The following PCDH9 variants were observed in gnomAD, a reference collection of about 807,000 sequenced individuals.
The protein encoded by PCDH9 is protocadherin-9.
A neutral mutation model predicts 70.6 loss-of-function variants in PCDH9; 24 were observed. That is an observed-to-expected ratio of 0.34 (90% CI 0.25 to 0.48). The LOEUF (loss-of-function observed/expected upper bound fraction) is 0.48, where lower values mean the gene tolerates loss of function less well. PCDH9 is among the 20% of genes least tolerant of loss of function. The probability of loss-of-function intolerance (pLI) is 0.99; values close to 1 mark genes in which losing one functional copy is unlikely to be tolerated. For synonymous variants in PCDH9, 562 were observed against 558.5 expected, an observed-to-expected ratio of 1.01 and a Z score of -0.09; for missense variants, 1,281 against 1,503.6, an observed-to-expected ratio of 0.85 and a Z score of 2.45.
chr13:66,430,177 A>G (rs891163832), intron 4 of PCDH9, among the ~76,000 whole-genome samples: 1 of 152,086 alleles, frequency 6.6e-6, no homozygotes, highest in Non-Finnish European at 1.5e-5. Context: ...TCAATCACAC[A>G]GCAAAAGCTA....
chr13:66,401,545 T>G (rs1291205824), intron 4 of PCDH9, among the ~76,000 whole-genome samples: 1 of 152,134 alleles, frequency 6.6e-6, no homozygotes, highest in Non-Finnish European at 1.5e-5. Context: ...AGCATGAGAA[T>G]GGACTCATAT....
At chr13:66,738,756 A>C (rs1225434822) in intron 3 of PCDH9, among the ~76,000 whole-genome samples, 2 of 152,000 alleles carry the variant, frequency 1.3e-5, no homozygotes, top group East Asian at 3.9e-4. Context: ...TGGAAGACGA[A>C]ATGAATGAAA....
intron 2 of PCDH9, among the ~76,000 whole-genome samples, chr13:66,927,716 T>C (rs1456807386): frequency 6.6e-6 from 1 of 152,028 alleles, no homozygotes; most frequent in Non-Finnish European, 1.5e-5. Flanking sequence ...TCCATGAGTG[T>C]CTGTGTACTA....
chr13:67,193,281 T>C (rs9564380), intron 2 of PCDH9, among the ~76,000 whole-genome samples: 119,329 of 151,562 alleles, frequency 0.79, 48,212 homozygotes, highest in Middle Eastern at 0.91. Context: ...GAAGGTTTAG[T>C]TCTTGGTCAA....
chr13:66,790,212 A>T (rs1210804735), intron 3 of PCDH9, among the ~76,000 whole-genome samples: 8 of 152,128 alleles, frequency 5.3e-5, no homozygotes, highest in African/African-American at 1.7e-4. Flanking sequence ...AAGGTGGGAC[A>T]TTATTTTATA....
At chr13:66,733,536 G>A (rs1468009683) in intron 3 of PCDH9, among the ~76,000 whole-genome samples, 1 of 152,118 alleles carries the variant, frequency 6.6e-6, no homozygotes, top group East Asian at 1.9e-4. Context: ...TGCTACAAAT[G>A]AACAATCATG....
chr13:66,396,301 C>A (rs1233518323), intron 4 of PCDH9, among the ~76,000 whole-genome samples: 5 of 152,136 alleles, frequency 3.3e-5, no homozygotes, highest in Non-Finnish European at 5.9e-5. Flanking sequence ...TTATGAATAA[C>A]CATGTTGCTA....
At chr13:66,481,520 C>T (rs1958836280) in intron 4 of PCDH9, among the ~76,000 whole-genome samples, 2 of 152,144 alleles carry the variant, frequency 1.3e-5, no homozygotes, top group Non-Finnish European at 1.5e-5. Context: ...ACTTAATAGA[C>T]TACAGTGTAG....
intron 2 of PCDH9, among the ~76,000 whole-genome samples, chr13:67,179,443 C>A (rs534576107): frequency 6.6e-6 from 1 of 152,056 alleles, no homozygotes; most frequent in Non-Finnish European, 1.5e-5. Context: ...AGACCATCAG[C>A]CAATACATAT....
At chr13:66,812,484 T>G (rs978398511) in intron 3 of PCDH9, among the ~76,000 whole-genome samples, 1 of 152,218 alleles carries the variant, frequency 6.6e-6, no homozygotes. Context: ...TGTACTCTGA[T>G]GATACTAAGG....
intron 2 of PCDH9, among the ~76,000 whole-genome samples, chr13:66,926,285 C>A (rs1289334023): frequency 6.6e-6 from 1 of 151,982 alleles, no homozygotes; most frequent in African/African-American, 2.4e-5. Context: ...CAAGGTACCT[C>A]ACAGTATCTT....
chr13:66,963,580 C>T (rs767542592), intron 2 of PCDH9, among the ~76,000 whole-genome samples: 2 of 152,088 alleles, frequency 1.3e-5, no homozygotes, highest in African/African-American at 4.8e-5. Context: ...TGATTTTTAT[C>T]ATTGGTGTTA....
intron 3 of PCDH9, among the ~76,000 whole-genome samples, chr13:66,864,272 G>A (rs1054029196): frequency 2.0e-5 from 3 of 152,082 alleles, no homozygotes; most frequent in Admixed American, 2.0e-4. Flanking sequence ...GTCTCATTTT[G>A]TTGGTCACAA....
chr13:66,859,368 A>T (rs1269285187), intron 3 of PCDH9, among the ~76,000 whole-genome samples: 1 of 152,176 alleles, frequency 6.6e-6, no homozygotes, highest in East Asian at 1.9e-4. Context: ...TTGTATTTGA[A>T]CAAGAAGGGC....
intron 4 of PCDH9, among the ~76,000 whole-genome samples, chr13:66,466,439 G>A (rs1283523236): frequency 6.6e-6 from 1 of 152,064 alleles, no homozygotes; most frequent in Non-Finnish European, 1.5e-5. Flanking sequence ...AGAATAGGGA[G>A]ATACTTTTAA....
At chr13:67,042,069 TG>T (rs2085127882) in intron 2 of PCDH9, among the ~76,000 whole-genome samples, 3 of 152,016 alleles carry the variant, frequency 2.0e-5, no homozygotes, top group Admixed American at 2.0e-4. Context: ...ATCTCCAGGA[TG>T]GGGGTGTTTC....
At chr13:66,974,628 T>C (rs2083583358) in intron 2 of PCDH9, among the ~76,000 whole-genome samples, 1 of 152,024 alleles carries the variant, frequency 6.6e-6, no homozygotes, top group Non-Finnish European at 1.5e-5. Flanking sequence ...CGGTAATTTA[T>C]TGGCAAATTG....
intron 2 of PCDH9, chr13:67,213,206 CAAAAAAAAAAAAAAAAAAAA>C (rs34813503): frequency 1.9e-4 from 4 of 20,544 alleles, no homozygotes; most frequent in East Asian, 1.4e-3. Flanking sequence ...GACTCCGTCA[CAAAAAAAAAAAAAAAAAAAA>C]AAAAAAAAAA....
intron 4 of PCDH9, among the ~76,000 whole-genome samples, chr13:66,325,582 C>T (rs907540367): frequency 1.3e-5 from 2 of 152,020 alleles, no homozygotes; most frequent in African/African-American, 4.8e-5. Flanking sequence ...ATAAAGGATG[C>T]CTTCCTGTAC....
Sources: gnomAD v4.1 joint callset for allele counts (sites outside exome capture counted in the v4.1 genomes callset) on GRCh38, gnomAD v4.1.1 for gene constraint, MANE v1.5 for transcripts, NCBI Gene and HGNC (gene_info 2026-07-23, HGNC 2026-07-21) for gene names.